Variants in TCF12 observed in about 807,000 individuals in gnomAD.
TCF12 encodes the protein transcription factor 12.
TCF12 carries 45 observed loss-of-function variants against 86.0 expected under a neutral mutation model. That is an observed-to-expected ratio of 0.52 (90% CI 0.41 to 0.67). TCF12 has a LOEUF of 0.67. Among genes scored for constraint, TCF12 ranks in the 30% least tolerant of loss-of-function variants. The probability of loss-of-function intolerance (pLI) is 0.00; values close to 1 mark genes in which losing one functional copy is unlikely to be tolerated. For missense variants in TCF12, 881 were observed against 859.9 expected (o/e 1.02, Z -0.31); for synonymous variants, 330 against 299.6 (o/e 1.10, Z -1.05).
intron 4 of TCF12, among the ~76,000 whole-genome samples, chr15:57,079,910 G>C (rs1397682264): frequency 1.3e-5 from 2 of 152,108 alleles, no homozygotes; most frequent in African/African-American, 4.8e-5. Flanking sequence ...ATATTAATAG[G>C]AAGACTCACA....
rs62022989 is a variant in TCF12 at position 57,033,953 on chromosome 15, A to C, written c.149-29797A>C. Among the ~76,000 whole-genome samples, 340 of 152,318 alleles carry C rather than the reference A, an allele frequency of 2.2e-3. 1 individual carries two copies. The highest frequency in any genetic ancestry group is 3.9e-3 in the Non-Finnish European group (263 of 68,012). The stretch of plus-strand genomic sequence containing the variant: ...GCTCTCTAAAAGAATGTTTACCTAA[A>C]GCTATTCATCCTGCAGACTTGTTTA... On this transcript the variant is annotated intron_variant, in intron 3 of 20. Transcript: ENST00000333725.
chr15:57,192,778 A>T (rs1238328645), intron 7 of TCF12, among the ~76,000 whole-genome samples: 2 of 152,226 alleles, frequency 1.3e-5, no homozygotes. Context: ...CATCCATTAA[A>T]TATTTAATAA....
In TCF12 at chr15:57,234,078, G is replaced by C; in HGVS notation, c.1006G>C (p.Gly336Arg). 1.2e-6 allele frequency: 2 copies of C among 1,613,604 alleles called. No homozygotes were observed. Among genetic ancestry groups the C allele is most frequent in the Non-Finnish European group, 1.7e-6 (2 of 1,179,672 alleles). ...RGNAAGSSQT[G>R]DALGKALASI... ...GAATGCTGCTGGAAGCTCACAGACA[G>C]GTGATGCACTTGGAAAGGCTTTGGC... The change falls in exon 12 of 21, where the codon GGT (glycine) becomes CGT (arginine). Residue 336 changes from glycine to arginine, a missense_variant. By Grantham distance (125) the Gly-to-Arg change is moderately radical. This residue lies in a region of TCF12 where 766 missense variants were observed against 718.9 expected (regional missense o/e 1.07). Transcript: ENST00000333725.
intron 5 of TCF12, among the ~76,000 whole-genome samples, chr15:57,106,965 G>A (rs1360673312): frequency 1.3e-5 from 2 of 152,228 alleles, no homozygotes; most frequent in Non-Finnish European, 2.9e-5. Context: ...TTCGTTGCTG[G>A]TGGGACTGCA....
Position 57,242,210 on chromosome 15 carries a change from T to A in TCF12, c.1036-1262T>A, listed in dbSNP as rs148693686. The stretch of plus-strand genomic sequence containing the variant: ...CAAGGTCATTTCTACTGGATGACTT[T>A]TTGCACTCACAAGTAGTTTTCCTTT... On this transcript the variant is annotated intron_variant, in intron 12 of 20. Coordinates refer to ENST00000333725, the MANE Select transcript of TCF12 (RefSeq NM_207037.2). Among the ~76,000 whole-genome samples the A allele has an allele frequency of 1.2e-3, 180 of 152,344 alleles. 1 individual carries two copies. Among genetic ancestry groups the A allele is most frequent in the African/African-American group, 4.1e-3 (170 of 41,582 alleles).
chr15:57,053,229 C>T (rs551381759), intron 3 of TCF12, among the ~76,000 whole-genome samples: 6 of 152,284 alleles, frequency 3.9e-5, no homozygotes, highest in African/African-American at 1.4e-4. Flanking sequence ...TGATGCCGAG[C>T]AGCTTTTCAT....
At chr15:56,961,955 C>T (rs1230260626) in intron 3 of TCF12, among the ~76,000 whole-genome samples, 1 of 151,492 alleles carries the variant, frequency 6.6e-6, no homozygotes, top group African/African-American at 2.4e-5. Flanking sequence ...ACGGTGAAAC[C>T]CCGTCTCTAC....
At chr15:56,959,661 T>G (rs1251222996) in intron 3 of TCF12, among the ~76,000 whole-genome samples, 1 of 152,248 alleles carries the variant, frequency 6.6e-6, no homozygotes, top group Non-Finnish European at 1.5e-5. Flanking sequence ...GGGGACAGTT[T>G]AATCAATATT....
rs2061972577 is a variant in TCF12, at chr15:57,287,558, C to T, written c.*1413C>T. The stretch of plus-strand genomic sequence containing the variant: ...AAAAGACATAATCACTTTGAACTTC[C>T]ATGAAACCTGTCTTCCACCACAACA... On this transcript the variant is annotated 3_prime_UTR_variant, in exon 21 of 21. Coordinates refer to ENST00000333725, the MANE Select transcript of TCF12 (RefSeq NM_207037.2). 6.6e-6 allele frequency: 1 copy of T among 152,606 alleles called. No homozygotes were observed. Among genetic ancestry groups the T allele is most frequent in the Non-Finnish European group, 1.5e-5 (1 of 68,052 alleles). The allele number at this position is 152,606 out of a possible 1,614,324, so 9.5% of individuals were successfully genotyped here. A position where few individuals can be genotyped will look rare whatever the true frequency, so the allele number is the denominator to read the frequency against.
At chr15:57,201,323 G>A (rs1461016186) in intron 8 of TCF12, among the ~76,000 whole-genome samples, 3 of 152,076 alleles carry the variant, frequency 2.0e-5, no homozygotes, top group South Asian at 4.1e-4. Context: ...CAGGTGCTCT[G>A]GTGACATAGG....
chr15:56,984,001 CAAAAAA>C (rs71113046), intron 3 of TCF12, among the ~76,000 whole-genome samples: 3 of 43,058 alleles, frequency 7.0e-5, no homozygotes, highest in Non-Finnish European at 1.2e-4. Context: ...GACCCTGTCT[CAAAAAA>C]AAAAAAAAAG....
rs1463202020 is a variant in TCF12 at position 57,104,450 on chromosome 15, T to C, written c.325+12559T>C. On this transcript the variant is annotated intron_variant, in intron 5 of 20. Transcript: ENST00000333725. ...TTTTTTTTTTCTTTTTTTTTTTTTT[T>C]TTTTTTTTTGAGATGGAGTCTTTTT... 1.6e-4 allele frequency among the ~76,000 whole-genome samples: 24 copies of C among 147,010 alleles called. 1 individual carries two copies. The highest frequency in any genetic ancestry group is 1.4e-4 in the Admixed American group (2 of 14,576).
At chr15:57,266,037 AT>A (rs2060849803) in intron 18 of TCF12, among the ~76,000 whole-genome samples, 1 of 152,122 alleles carries the variant, frequency 6.6e-6, no homozygotes, top group African/African-American at 2.4e-5. Flanking sequence ...CAAGCAAATT[AT>A]GGCCCATGGG....
intron 8 of TCF12, among the ~76,000 whole-genome samples, chr15:57,223,252 T>G (rs2058685552): frequency 6.6e-6 from 1 of 152,022 alleles, no homozygotes; most frequent in Non-Finnish European, 1.5e-5. Context: ...AAGCACATTT[T>G]CTCCTTTGTA....
At chr15:57,151,296 T>C (rs1020889) in intron 5 of TCF12, among the ~76,000 whole-genome samples, 151,744 of 151,986 alleles carry the variant, frequency 1, 75,753 homozygotes, top group East Asian at 1. Flanking sequence ...AATGTCATTT[T>C]TAGAGAGAAG....
rs545646462 is a variant in TCF12 at position 57,264,239 on chromosome 15, C to T, written c.1745+965C>T. Among the ~76,000 whole-genome samples the T allele has an allele frequency of 1.4e-3, 89 of 65,784 alleles. No individual in the cohort carries two copies. The East Asian group carries it at 0.038, about 28-fold the overall frequency. 43.2% of individuals were successfully genotyped at this position (65,784 alleles called of 152,430 possible). A position where few individuals can be genotyped will look rare whatever the true frequency, so the allele number is the denominator to read the frequency against. On this transcript the variant is annotated intron_variant, in intron 18 of 20. Transcript: ENST00000333725. ...TTTTTGAGGTGGAGTCTTACTCTCT[C>T]GCCCAGGCTGGAATGCAGTGGCATC...
chr15:57,019,777 G>C (rs140055860), intron 3 of TCF12, among the ~76,000 whole-genome samples: 137 of 152,230 alleles, frequency 9.0e-4, no homozygotes, highest in South Asian at 1.9e-3. Flanking sequence ...CAAATCTTGT[G>C]ACCTCTGGCC....
chr15:56,956,639 G>T (rs1194901818), intron 3 of TCF12, among the ~76,000 whole-genome samples: 1 of 151,910 alleles, frequency 6.6e-6, no homozygotes. Flanking sequence ...TAATTTTTAA[G>T]AACATATTTT....
rs1596963480 is a variant in TCF12, at chr15:57,164,390, C to G, written c.326-2012C>G. On this transcript the variant is annotated intron_variant, in intron 5 of 20. Coordinates refer to ENST00000333725, the MANE Select transcript of TCF12 (RefSeq NM_207037.2). ...ACATGGCTGGGGAGACCTCAGGAAA[C>G]TTACAGTCATGGCAGAAGGGGAAGC... Among the ~76,000 whole-genome samples the G allele has an allele frequency of 2.0e-5, 3 of 152,276 alleles. No individual in the cohort carries two copies. In the East Asian group the frequency reaches 5.8e-4, roughly 29 times the overall value.
Sources: allele counts gnomAD v4.1 joint callset (sites outside exome capture counted in the v4.1 genomes callset), GRCh38; gene constraint gnomAD v4.1.1; regional missense constraint gnomAD v4.1.1; transcripts MANE v1.5; gene names NCBI Gene and HGNC (gene_info 2026-07-23, HGNC 2026-07-21).